PEX14: variants seen among roughly 807,000 people sequenced by gnomAD.
PEX14 encodes peroxisomal biogenesis factor 14.
PEX14 carries 15 observed loss-of-function variants against 49.5 expected under a neutral mutation model. The observed-to-expected ratio is 0.30, with a 90% CI of 0.20 to 0.47. The LOEUF is 0.47. Ranked by LOEUF, PEX14 falls within the 20% of genes least tolerant of loss-of-function variation. The probability of loss-of-function intolerance (pLI) is 1.00; values close to 1 mark genes in which losing one functional copy is unlikely to be tolerated. For missense variants in PEX14, 398 were observed against 494.8 expected, an observed-to-expected ratio of 0.80 and a Z score of 1.86; for synonymous variants, 210 against 212.7, an observed-to-expected ratio of 0.99 and a Z score of 0.11.
intron 4 of PEX14, among the ~76,000 whole-genome samples, chr1:10,612,105 A>G (rs1228549079): frequency 6.6e-6 from 1 of 152,176 alleles, no homozygotes; most frequent in Non-Finnish European, 1.5e-5. Context: ...GATTTCTTAT[A>G]GAAGTTTTAT....
chr1:10,570,077 C>T (rs1006042605), intron 3 of PEX14, among the ~76,000 whole-genome samples: 2 of 151,982 alleles, frequency 1.3e-5, no homozygotes, highest in African/African-American at 4.8e-5. Flanking sequence ...TCTTTCCTAT[C>T]TTTTATCTTT....
chr1:10,617,600 C>T (rs1187326722), intron 4 of PEX14, among the ~76,000 whole-genome samples: 2 of 152,104 alleles, frequency 1.3e-5, no homozygotes, highest in African/African-American at 4.8e-5. Context: ...AGGGTGCTCA[C>T]CTGGTCTACA....
chr1:10,494,722 G>A lies in PEX14; in HGVS notation c.37-552G>A, dbSNP rs1390778156. On this transcript the variant is annotated intron_variant, in intron 1 of 8. Transcript: ENST00000356607. The surrounding 1 kb of genome is among the most constrained non-coding windows in gnomAD (Gnocchi z 4.3). ...GCTTTCTTTACTATTGTGGGGTGGT[G>A]TCCTTAGTGGCAGGTGATGAATAGG... Among the ~76,000 whole-genome samples the A allele has an allele frequency of 6.6e-6, 1 of 152,176 alleles. No individual in the cohort carries two copies. Among genetic ancestry groups the A allele is most frequent in the Non-Finnish European group, 1.5e-5 (1 of 68,040 alleles).
chr1:10,481,406 C>T (rs924762389), intron 1 of PEX14, among the ~76,000 whole-genome samples: 2 of 152,034 alleles, frequency 1.3e-5, no homozygotes, highest in African/African-American at 4.8e-5. Flanking sequence ...TCCCACAGTG[C>T]TGGGAGCCAC....
At chr1:10,542,549 C>G (rs542021196) in intron 3 of PEX14, among the ~76,000 whole-genome samples, 61 of 152,278 alleles carry the variant, frequency 4.0e-4, no homozygotes, top group African/African-American at 1.4e-3. Context: ...ATCACGAGGT[C>G]AGAAAATTGA....
At chr1:10,606,992 A>C (rs530370848) in intron 4 of PEX14, among the ~76,000 whole-genome samples, 10 of 152,338 alleles carry the variant, frequency 6.6e-5, no homozygotes, top group Non-Finnish European at 1.3e-4. Context: ...AATACCCTGA[A>C]AGGTTCCCTT....
chr1:10,600,844 G>C (rs1322207239), intron 4 of PEX14, among the ~76,000 whole-genome samples: 1 of 151,690 alleles, frequency 6.6e-6, no homozygotes, highest in African/African-American at 2.4e-5. Context: ...TTAGATATCA[G>C]ATTTTAAGGC....
chr1:10,573,473 G>A (rs1640038225), intron 3 of PEX14, among the ~76,000 whole-genome samples: 1 of 152,156 alleles, frequency 6.6e-6, no homozygotes. Context: ...AGCATTTCCA[G>A]AGCGTTAATA....
At chr1:10,568,548 A>G (rs1210217752) in intron 3 of PEX14, among the ~76,000 whole-genome samples, 10 of 152,090 alleles carry the variant, frequency 6.6e-5, no homozygotes, top group African/African-American at 9.7e-5. Context: ...AATTCCAGCC[A>G]GTTGTAGTGT....
At chr1:10,478,489 A>G (rs2124365042) in intron 1 of PEX14, among the ~76,000 whole-genome samples, 1 of 152,270 alleles carries the variant, frequency 6.6e-6, no homozygotes. Context: ...ACTTTTTCAT[A>G]ATGGTATAGT....
At chr1:10,542,177 T>A (rs907698395) in intron 3 of PEX14, among the ~76,000 whole-genome samples, 45 of 152,162 alleles carry the variant, frequency 3.0e-4, no homozygotes, top group Non-Finnish European at 5.9e-4. Flanking sequence ...AAATAAGTCT[T>A]CTCTTCTCAT....
At chr1:10,570,580 C>T (rs1335584254) in intron 3 of PEX14, among the ~76,000 whole-genome samples, 3 of 152,154 alleles carry the variant, frequency 2.0e-5, no homozygotes, top group Admixed American at 1.3e-4. Context: ...GATCCGCCCG[C>T]CTCAGCCTCT....
intron 3 of PEX14, among the ~76,000 whole-genome samples, chr1:10,596,640 A>C (rs1454663928): frequency 6.6e-6 from 1 of 152,170 alleles, no homozygotes; most frequent in African/African-American, 2.4e-5. Flanking sequence ...CACTCTCTAC[A>C]AGTAGGATGT....
chr1:10,493,564 A>T (rs1641506870), intron 1 of PEX14, among the ~76,000 whole-genome samples: 1 of 152,080 alleles, frequency 6.6e-6, no homozygotes, highest in Admixed American at 6.6e-5. Flanking sequence ...AATAGCTGGG[A>T]GTACAAGCGC....
At chr1:10,547,643 TAAAAC>T (rs1195190152) in intron 3 of PEX14, among the ~76,000 whole-genome samples, 1 of 152,140 alleles carries the variant, frequency 6.6e-6, no homozygotes, top group Non-Finnish European at 1.5e-5. Flanking sequence ...ATTGAACAGT[TAAAAC>T]AATATACTGT....
At chr1:10,508,575 C>G (rs906493751) in intron 2 of PEX14, among the ~76,000 whole-genome samples, 46 of 151,964 alleles carry the variant, frequency 3.0e-4, no homozygotes, top group African/African-American at 1.1e-3. Flanking sequence ...CCAGCTCCCT[C>G]CCCCCCAGAA....
intron 3 of PEX14, among the ~76,000 whole-genome samples, chr1:10,562,544 G>C (rs898921836): frequency 6.6e-6 from 1 of 152,142 alleles, no homozygotes; most frequent in Non-Finnish European, 1.5e-5. Context: ...GGATTTATCT[G>C]ATGTTTCCTC....
At chr1:10,596,690 A>G (rs1640842171) in intron 3 of PEX14, among the ~76,000 whole-genome samples, 1 of 152,114 alleles carries the variant, frequency 6.6e-6, no homozygotes, top group Non-Finnish European at 1.5e-5. Flanking sequence ...CAGGTTTCTT[A>G]TCTGTTAAAT....
At position 10,628,229 on chromosome 1, in the gene PEX14, G is replaced by A. The variant is rs1457421999; in HGVS notation, c.677+866G>A. ...ATTACAGGTGTGAGCCACTGTGCCTGGACTGTTCTGGTTTTTTAAAACTGA... is the reference window on the plus strand; with the variant it reads ...ATTACAGGTGTGAGCCACTGTGCCTAGACTGTTCTGGTTTTTTAAAACTGA... On this transcript the variant is annotated intron_variant, in intron 8 of 8. Transcript: ENST00000356607. This position sits in a 1 kb window ranked among gnomAD's most constrained non-coding sequence, Gnocchi z 4.5. 1.3e-5 allele frequency among the ~76,000 whole-genome samples: 2 copies of A among 152,214 alleles called. No homozygotes were observed. The highest frequency in any genetic ancestry group is 4.8e-5 in the African/African-American group (2 of 41,460).
Sources: gnomAD v4.1 joint callset for allele counts (sites outside exome capture counted in the v4.1 genomes callset) on GRCh38, gnomAD v4.1.1 for gene constraint, Gnocchi (gnomAD v3.1) non-coding constraint, MANE v1.5 for transcripts, NCBI Gene and HGNC (gene_info 2026-07-23, HGNC 2026-07-21) for gene names.